RIC3: variants seen among roughly 807,000 people sequenced by gnomAD.
RIC3 encodes RIC3 acetylcholine receptor chaperone.
A neutral mutation model predicts 27.3 loss-of-function variants in RIC3; 28 were observed. The ratio of observed to expected loss-of-function variants is 1.02; its 90% CI spans 0.76 to 1.41. The LOEUF is 1.41. Among genes scored for constraint, RIC3 ranks in the 40% most tolerant of loss-of-function variants. The pLI is 0.00. For missense variants in RIC3, 501 were observed against 444.7 expected, an observed-to-expected ratio of 1.13 and a Z score of -1.14; for synonymous variants, 184 against 160.4, an observed-to-expected ratio of 1.15 and a Z score of -1.11.
chr11:8,159,507 T>C (rs1315729207), intron 1 of RIC3, among the ~76,000 whole-genome samples: 5 of 151,952 alleles, frequency 3.3e-5, no homozygotes, highest in East Asian at 1.9e-4. Flanking sequence ...GGCAGCTATA[T>C]TGAGAATAGA....
At chr11:8,148,223 G>C (rs1424801373) in intron 1 of RIC3, among the ~76,000 whole-genome samples, 1 of 151,998 alleles carries the variant, frequency 6.6e-6, no homozygotes, top group Non-Finnish European at 1.5e-5. Flanking sequence ...GCTTCTTTTA[G>C]AGACTGGGTC....
intron 1 of RIC3, among the ~76,000 whole-genome samples, chr11:8,159,819 C>T (rs1436406334): frequency 1.6e-4 from 24 of 151,914 alleles, no homozygotes; most frequent in Non-Finnish European, 1.5e-4. Flanking sequence ...GGTGAAACTC[C>T]GTCTCTACTA....
chr11:8,094,741 C>T, the RIC3 span, among the ~76,000 whole-genome samples: 1 of 152,248 alleles, frequency 6.6e-6, no homozygotes, highest in African/African-American at 2.4e-5. Context: ...GCGGTACCTG[C>T]CCCAGGTCCT....
At position 8,138,317 on chromosome 11, in the gene RIC3, C is replaced by T; in HGVS notation, c.382G>A (p.Gly128Arg). ...CCAGGCATGGCAGTATAGCATTTCC[C>T]ATCCTCTGCAGTTGTTTTCCCCTTT... is the stretch of plus-strand genomic sequence containing the variant. ...LSKGKTTAED[G>R]KCYTAMPGNT... is the part of the protein sequence containing the mutation. Residue 128 changes from glycine (G) to arginine (R), a missense_variant, in exon 3 of 6, where the codon GGG becomes AGG. Coordinates refer to ENST00000309737, the MANE Select transcript of RIC3 (RefSeq NM_001206671.4). 1.2e-6 allele frequency: 2 copies of T among 1,613,518 alleles called. No individual in the cohort carries two copies. The highest frequency in any genetic ancestry group is 1.7e-5 in the Admixed American group (1 of 59,992).
At chr11:8,095,091 G>A in the RIC3 span, among the ~76,000 whole-genome samples, 112 of 152,348 alleles carry the variant, frequency 7.4e-4, 1 homozygote, top group African/African-American at 2.6e-3. Flanking sequence ...TGTTGTGTCT[G>A]TTTGTGGAAG....
downstream of RIC3, chr11:8,104,501 G>T (rs551555414): frequency 2.7e-4 from 41 of 152,330 alleles, no homozygotes; most frequent in African/African-American, 9.6e-4. Flanking sequence ...TTTCTTAATT[G>T]TGATTATATT....
chr11:8,123,511 A>G (rs1205710067), intron 5 of RIC3, among the ~76,000 whole-genome samples: 1 of 152,220 alleles, frequency 6.6e-6, no homozygotes, highest in Non-Finnish European at 1.5e-5. Flanking sequence ...GAAAAGAAAC[A>G]AATTACCAGG....
intron 5 of RIC3, among the ~76,000 whole-genome samples, chr11:8,123,749 C>T (rs564969222): frequency 6.6e-6 from 1 of 151,914 alleles, no homozygotes; most frequent in Non-Finnish European, 1.5e-5. Flanking sequence ...ACAAATAAAA[C>T]TCCAGGCCAA....
At chr11:8,160,973 C>T (rs1951109215) in intron 1 of RIC3, among the ~76,000 whole-genome samples, 1 of 152,128 alleles carries the variant, frequency 6.6e-6, no homozygotes, top group Non-Finnish European at 1.5e-5. Flanking sequence ...TTTATTTTGC[C>T]AACGTTAAGG....
In RIC3 at chr11:8,159,017, C is replaced by T. The variant is rs528452699; in HGVS notation, c.124+9849G>A. Among the ~76,000 whole-genome samples the T allele has an allele frequency of 3.3e-5, 5 of 151,684 alleles. No homozygotes were observed. The East Asian group carries it at 9.9e-4, about 30-fold the overall frequency. On this transcript the variant is annotated intron_variant, in intron 1 of 5. Coordinates refer to ENST00000309737, the MANE Select transcript of RIC3 (RefSeq NM_001206671.4). ...AAGTGCTGGGATTACAGGCGTGAGC[C>T]ACCGCGCTCGGCCACAGAGCCTCCT... is the stretch of plus-strand genomic sequence containing the variant.
downstream of RIC3, chr11:8,105,642 G>A (rs541085007): frequency 6.6e-6 from 1 of 152,224 alleles, no homozygotes; most frequent in East Asian, 1.9e-4. Flanking sequence ...CATTGTCAAA[G>A]CTTGCCGTAG....
At chr11:8,141,511 C>G (rs1212910043) in intron 1 of RIC3, among the ~76,000 whole-genome samples, 1 of 151,784 alleles carries the variant, frequency 6.6e-6, no homozygotes, top group Non-Finnish European at 1.5e-5. Context: ...AATACAGGAG[C>G]ACCCAGATTC....
intron 1 of RIC3, among the ~76,000 whole-genome samples, chr11:8,158,485 C>T (rs970941201): frequency 3.3e-5 from 5 of 152,030 alleles, no homozygotes; most frequent in Non-Finnish European, 2.9e-5. Context: ...AGTACTTCAA[C>T]TACCCTGCAA....
At chr11:8,167,520 G>C (rs1951804258) in intron 1 of RIC3, among the ~76,000 whole-genome samples, 2 of 151,700 alleles carry the variant, frequency 1.3e-5, no homozygotes, top group South Asian at 4.2e-4. Context: ...ACCAACACTT[G>C]AGTTCTCAAG....
rs529143706 is a variant in RIC3, at chr11:8,110,568, T to C, written c.*130A>G. ...CACCAGGAAGGATACATGATATCCA[T>C]GATAGTGGCCTGATAGCTATGACAC... On this transcript the variant is annotated 3_prime_UTR_variant, in exon 6 of 6. Coordinates refer to ENST00000309737, the MANE Select transcript of RIC3 (RefSeq NM_001206671.4). The C allele has an allele frequency of 2.4e-6, 2 of 824,286 alleles. No individual in the cohort carries two copies. Among genetic ancestry groups the C allele is most frequent in the African/African-American group, 3.3e-5 (2 of 60,240 alleles). The allele number at this position is 824,286 out of a possible 1,614,324, so 51.1% of individuals were successfully genotyped here.
downstream of RIC3, chr11:8,105,441 G>GTCATC (rs969077962): frequency 1.3e-5 from 2 of 151,196 alleles, no homozygotes; most frequent in African/African-American, 4.9e-5. Flanking sequence ...GGAATTTTCA[G>GTCATC]TCATCTCATG....
chr11:8,137,939 G>C (rs1274678503), intron 3 of RIC3, among the ~76,000 whole-genome samples: 1 of 152,140 alleles, frequency 6.6e-6, no homozygotes, highest in Non-Finnish European at 1.5e-5. Flanking sequence ...TCTTTCCCTA[G>C]ATCTAAAAAC....
intron 1 of RIC3, among the ~76,000 whole-genome samples, chr11:8,145,788 G>A (rs1949617075): frequency 6.6e-6 from 1 of 152,066 alleles, no homozygotes; most frequent in African/African-American, 2.4e-5. Flanking sequence ...ACCACCAGGA[G>A]ATAACATTAT....
intron 1 of RIC3, among the ~76,000 whole-genome samples, chr11:8,142,424 T>C (rs1240688757): frequency 4.0e-5 from 6 of 151,804 alleles, no homozygotes; most frequent in African/African-American, 1.5e-4. Flanking sequence ...CTAGAAAATC[T>C]AGAAGAAATG....
Sources: gnomAD v4.1 joint callset for allele counts (sites outside exome capture counted in the v4.1 genomes callset) on GRCh38, gnomAD v4.1.1 for gene constraint, MANE v1.5 for transcripts, NCBI Gene and HGNC (gene_info 2026-07-23, HGNC 2026-07-21) for gene names.